The following ADAMTS17 variants were observed in gnomAD, a reference collection of about 807,000 sequenced individuals.
The protein encoded by ADAMTS17 is A disintegrin and metalloproteinase with thrombospondin motifs 17.
ADAMTS17 carries 113 observed loss-of-function variants against 141.5 expected under a neutral mutation model. The observed-to-expected ratio is 0.80, with a 90% CI of 0.69 to 0.93. The LOEUF (loss-of-function observed/expected upper bound fraction) is 0.93, where lower values mean the gene tolerates loss of function less well. Among genes scored for constraint, ADAMTS17 ranks in the 40% least tolerant of loss-of-function variants. The probability of loss-of-function intolerance (pLI) is 0.00; values close to 1 mark genes in which losing one functional copy is unlikely to be tolerated. For missense variants in ADAMTS17, 1,659 were observed against 1,517.9 expected (o/e 1.09, Z -1.54); for synonymous variants, 768 against 630.6 (o/e 1.22, Z -3.27).
intron 3 of ADAMTS17, among the ~76,000 whole-genome samples, chr15:100,311,246 A>G (rs978229623): frequency 2.0e-5 from 3 of 152,294 alleles, no homozygotes; most frequent in African/African-American, 4.8e-5. Context: ...CGCTGATTCA[A>G]AAATCAGACA....
At chr15:100,335,894 T>C (rs1461237763) in intron 2 of ADAMTS17, among the ~76,000 whole-genome samples, 1 of 152,198 alleles carries the variant, frequency 6.6e-6, no homozygotes, top group African/African-American at 2.4e-5. Context: ...TGACTATGCA[T>C]CTGGGGACCT....
chr15:100,149,103 C>T (rs1266111577), intron 10 of ADAMTS17, among the ~76,000 whole-genome samples: 1 of 152,232 alleles, frequency 6.6e-6, no homozygotes, highest in Non-Finnish European at 1.5e-5. Context: ...TGTACGCTCT[C>T]CTGCCATACC....
intron 2 of ADAMTS17, among the ~76,000 whole-genome samples, chr15:100,337,016 G>A (rs2046226684): frequency 6.6e-6 from 1 of 152,206 alleles, no homozygotes; most frequent in African/African-American, 2.4e-5. Context: ...TGGGATTACA[G>A]GCGCCCACCA....
chr15:100,099,145 G>A lies in ADAMTS17; in HGVS notation c.2017-2669C>T, dbSNP rs144174978. ...AGGTGCAAACAGGAATGCATACAGC[G>A]TTGCCCTTTCAGTTAATTCTGGAGA... is the stretch of plus-strand genomic sequence containing the variant. On this transcript the variant is annotated intron_variant, in intron 14 of 21. Transcript: ENST00000268070. 5.1e-4 allele frequency among the ~76,000 whole-genome samples: 77 copies of A among 152,298 alleles called. No individual in the cohort carries two copies. The East Asian group carries it at 0.013, about 26-fold the overall frequency.
chr15:100,134,427 C>T (rs1224702061), intron 10 of ADAMTS17, among the ~76,000 whole-genome samples: 1 of 152,154 alleles, frequency 6.6e-6, no homozygotes, highest in Non-Finnish European at 1.5e-5. Flanking sequence ...GATGACAAAC[C>T]CAATCATGGC....
chr15:100,022,152 C>T lies in ADAMTS17; in HGVS notation c.2592-24563G>A, dbSNP rs184570145. Among the ~76,000 whole-genome samples, 132 of 152,310 alleles carry T rather than the reference C, an allele frequency of 8.7e-4. 3 individuals are homozygous for T. The highest frequency in any genetic ancestry group is 8.4e-3 in the Admixed American group (128 of 15,298). On this transcript the variant is annotated intron_variant, in intron 18 of 21. Transcript: ENST00000268070. ...TGGGTTGAAACTCATTTGTTTCTCA[C>T]GTGGATGTGCCAACGATTGATCCTA...
At chr15:100,259,555 C>T (rs2043443986) in intron 6 of ADAMTS17, among the ~76,000 whole-genome samples, 2 of 152,200 alleles carry the variant, frequency 1.3e-5, no homozygotes, top group African/African-American at 2.4e-5. Flanking sequence ...TCCCTGGTGC[C>T]TGCTACTACA....
At position 100,146,151 on chromosome 15, in the gene ADAMTS17, C is replaced by A. The variant is rs547470952; in HGVS notation, c.1473+6461G>T. Among the ~76,000 whole-genome samples the A allele has an allele frequency of 6.2e-4, 94 of 152,198 alleles. 1 individual carries two copies. The highest frequency in any genetic ancestry group is 2.2e-3 in the African/African-American group (90 of 41,540). On this transcript the variant is annotated intron_variant, in intron 10 of 21. Coordinates refer to ENST00000268070, the MANE Select transcript of ADAMTS17 (RefSeq NM_139057.4). The stretch of plus-strand genomic sequence containing the variant: ...TCGAGCTACTGCACTGCAGCCTGGG[C>A]GACAAGAGTGAAACTCCATCTCCAA...
At position 100,189,260 on chromosome 15, in the gene ADAMTS17, T is replaced by A. The variant is rs192869127; in HGVS notation, c.1181+10058A>T. 5.4e-4 allele frequency among the ~76,000 whole-genome samples: 82 copies of A among 152,370 alleles called. 1 individual carries two copies. The East Asian group carries it at 8.1e-3, about 15-fold the overall frequency. ...AACTAGGCATGGGATGTAGGAGTTT[T>A]AGGTGAAAATTGTTAAATCAGAAAG... On this transcript the variant is annotated intron_variant, in intron 8 of 21. Coordinates refer to ENST00000268070, the MANE Select transcript of ADAMTS17 (RefSeq NM_139057.4).
rs748929145 is a variant in ADAMTS17, at chr15:100,152,608, T to C, written c.1473+4A>G. The stretch of plus-strand genomic sequence containing the variant: ...CCCGAGCCAGCCCTCCCACGGCTGC[T>C]TACCTCCATGTTTCTGCAGAAGGTG... On this transcript the variant is annotated splice_donor_region_variant and intron_variant, in intron 10 of 21. Transcript: ENST00000268070. 3.1e-6 allele frequency: 5 copies of C among 1,613,696 alleles called. No homozygotes were observed.
intron 3 of ADAMTS17, among the ~76,000 whole-genome samples, chr15:100,293,379 T>A (rs796825532): frequency 6.6e-6 from 1 of 152,328 alleles, no homozygotes; most frequent in East Asian, 1.9e-4. Context: ...GCAGCCCACT[T>A]TAAGTACAAA....
intron 17 of ADAMTS17, among the ~76,000 whole-genome samples, chr15:100,050,563 G>T (rs928067619): frequency 1.3e-5 from 2 of 152,230 alleles, no homozygotes; most frequent in Non-Finnish European, 2.9e-5. Flanking sequence ...TGCCCAGGAA[G>T]AAACTCCTGT....
intron 18 of ADAMTS17, among the ~76,000 whole-genome samples, chr15:99,998,597 G>C (rs28548732): frequency 0.014 from 2,179 of 152,124 alleles, 60 homozygotes; most frequent in African/African-American, 0.049. Context: ...GAGTGAGACT[G>C]TATCCCCCAA....
intron 8 of ADAMTS17, among the ~76,000 whole-genome samples, chr15:100,169,548 G>C (rs554966681): frequency 6.6e-6 from 1 of 152,200 alleles, no homozygotes; most frequent in East Asian, 1.9e-4. Context: ...GCTTGCCTGA[G>C]GTAACTGGCC....
chr15:100,261,480 T>C lies in ADAMTS17; in HGVS notation c.1030A>G (p.Arg344Gly), dbSNP rs1442746480. The change falls in exon 6 of 22, where the codon AGG (arginine) becomes GGG (glycine). Residue 344 changes from arginine (R) to glycine (G), a missense_variant and splice_region_variant. Physicochemically the swap from Arg to Gly is moderately radical, Grantham distance 125. Coordinates refer to ENST00000268070, the MANE Select transcript of ADAMTS17 (RefSeq NM_139057.4). ...PLVDAAVFVT[R>G]TDFCVHKDEP... is the part of the protein sequence containing the mutation. ...GCTACAGGCCAAATCCCATCTTACC[T>C]GGTCACAAACACGGCAGCATCCACC... 1 of 1,613,948 alleles carries C rather than the reference T, an allele frequency of 6.2e-7. No homozygotes were observed. The highest frequency in any genetic ancestry group is 8.5e-7 in the Non-Finnish European group (1 of 1,180,028).
intron 8 of ADAMTS17, among the ~76,000 whole-genome samples, chr15:100,155,968 C>T (rs1291786973): frequency 6.9e-6 from 1 of 145,630 alleles, no homozygotes; most frequent in Non-Finnish European, 1.5e-5. Flanking sequence ...CCAAGACATG[C>T]AGCACGCAAG....
intron 3 of ADAMTS17, among the ~76,000 whole-genome samples, chr15:100,324,038 A>G (rs910169779): frequency 2.6e-5 from 4 of 151,684 alleles, no homozygotes; most frequent in African/African-American, 4.8e-5. Flanking sequence ...AAAAAAAAAA[A>G]AAGAAGAAAG....
At chr15:100,011,077 G>C (rs1201554011) in intron 18 of ADAMTS17, among the ~76,000 whole-genome samples, 1 of 151,422 alleles carries the variant, frequency 6.6e-6, no homozygotes, top group Admixed American at 6.6e-5. Flanking sequence ...CTAACAGTGA[G>C]GACTACTGAG....
chr15:100,057,941 A>G (rs1341146248), intron 15 of ADAMTS17, among the ~76,000 whole-genome samples: 2 of 152,078 alleles, frequency 1.3e-5, no homozygotes, highest in Non-Finnish European at 2.9e-5. Context: ...GCATTCACAC[A>G]TGCTTTTTGG....
Sources: allele counts gnomAD v4.1 joint callset (sites outside exome capture counted in the v4.1 genomes callset), GRCh38; gene constraint gnomAD v4.1.1; transcripts MANE v1.5; gene names NCBI Gene and HGNC (gene_info 2026-07-23, HGNC 2026-07-21).